CSMD3: variants seen among roughly 807,000 people sequenced by gnomAD.
CSMD3 encodes CUB and sushi domain-containing protein 3.
In CSMD3, 177 loss-of-function variants were observed where a neutral mutation model predicts 435.2. That is an observed-to-expected ratio of 0.41 (90% CI 0.36 to 0.46). The LOEUF is 0.46. Ranked by LOEUF, CSMD3 falls within the 20% of genes least tolerant of loss-of-function variation. The pLI is 0.34. For missense variants in CSMD3, 4,265 were observed against 4,504.6 expected, an observed-to-expected ratio of 0.95 and a Z score of 1.52; for synonymous variants, 1,656 against 1,520.5, an observed-to-expected ratio of 1.09 and a Z score of -2.07.
At chr8:112,527,268 G>T (rs1483987204) in intron 27 of CSMD3, among the ~76,000 whole-genome samples, 3 of 151,286 alleles carry the variant, frequency 2.0e-5, no homozygotes, top group Admixed American at 2.0e-4. Context: ...ATGCTAAAAG[G>T]CATCATATGA....
chr8:112,336,324 G>T (rs962731512), intron 44 of CSMD3, among the ~76,000 whole-genome samples: 3 of 152,032 alleles, frequency 2.0e-5, no homozygotes, highest in African/African-American at 7.2e-5. Flanking sequence ...AATTCCACTG[G>T]CTTTTGTAAG....
At chr8:112,728,832 G>T (rs182345698) in intron 13 of CSMD3, among the ~76,000 whole-genome samples, 58 of 151,912 alleles carry the variant, frequency 3.8e-4, no homozygotes, top group Non-Finnish European at 7.4e-4. Flanking sequence ...CGGCAATTAT[G>T]GACACCATAC....
At chr8:112,733,852 T>C (rs1233424463) in intron 13 of CSMD3, among the ~76,000 whole-genome samples, 2 of 152,000 alleles carry the variant, frequency 1.3e-5, no homozygotes, top group Non-Finnish European at 2.9e-5. Context: ...GTGTTGAAGT[T>C]TGCATATGTA....
intron 4 of CSMD3, among the ~76,000 whole-genome samples, chr8:113,107,150 C>G (rs945154369): frequency 6.6e-6 from 1 of 152,158 alleles, no homozygotes; most frequent in Non-Finnish European, 1.5e-5. Context: ...GGCACTACAG[C>G]AAAGAGCATC....
At chr8:112,606,523 T>C (rs1832806954) in intron 22 of CSMD3, among the ~76,000 whole-genome samples, 1 of 152,180 alleles carries the variant, frequency 6.6e-6, no homozygotes, top group South Asian at 2.1e-4. Flanking sequence ...ACACTGTACT[T>C]GAACTACCCT....
chr8:112,340,241 T>C (rs887799888), intron 42 of CSMD3, among the ~76,000 whole-genome samples: 5 of 152,232 alleles, frequency 3.3e-5, no homozygotes, highest in African/African-American at 1.2e-4. Context: ...TACCCAATTG[T>C]TTTAAAAATA....
At chr8:112,572,220 A>C (rs559674016) in intron 24 of CSMD3, among the ~76,000 whole-genome samples, 2 of 152,140 alleles carry the variant, frequency 1.3e-5, no homozygotes, top group South Asian at 4.1e-4. Flanking sequence ...CTGGACTATT[A>C]TTTTTCCTTA....
chr8:113,049,402 GA>G (rs60859878), intron 5 of CSMD3, among the ~76,000 whole-genome samples: 2,174 of 137,636 alleles, frequency 0.016, 23 homozygotes, highest in African/African-American at 0.04. Flanking sequence ...GTTCTAGTAG[GA>G]AAAAAAAAAA....
chr8:112,484,711 C>T (rs1586476946), intron 31 of CSMD3, among the ~76,000 whole-genome samples: 2 of 151,960 alleles, frequency 1.3e-5, no homozygotes, highest in Admixed American at 6.6e-5. Flanking sequence ...GGTTGAGCAT[C>T]CCTAATTCAA....
chr8:112,733,511 A>G (rs2077119695), intron 13 of CSMD3, among the ~76,000 whole-genome samples: 1 of 152,042 alleles, frequency 6.6e-6, no homozygotes, highest in Non-Finnish European at 1.5e-5. Flanking sequence ...ATAAGTATAA[A>G]GCTTAATTAT....
intron 3 of CSMD3, among the ~76,000 whole-genome samples, chr8:113,182,635 T>C (rs1355642827): frequency 2.0e-5 from 3 of 152,082 alleles, no homozygotes; most frequent in African/African-American, 4.8e-5. Context: ...ACTCTCTCAT[T>C]GCTCTAGGCT....
intron 3 of CSMD3, among the ~76,000 whole-genome samples, chr8:113,219,283 A>G (rs1410772171): frequency 6.6e-6 from 1 of 151,368 alleles, no homozygotes; most frequent in Non-Finnish European, 1.5e-5. Context: ...GAAGAGAAGT[A>G]AAACTATACC....
chr8:112,633,365 A>C (rs1421548547), intron 22 of CSMD3, among the ~76,000 whole-genome samples: 2 of 152,034 alleles, frequency 1.3e-5, no homozygotes, highest in African/African-American at 4.8e-5. Context: ...CACAGGACTT[A>C]GACTCGGAAC....
chr8:112,658,552 T>C (rs960732821), intron 17 of CSMD3, among the ~76,000 whole-genome samples: 1 of 152,216 alleles, frequency 6.6e-6, no homozygotes, highest in Non-Finnish European at 1.5e-5. Context: ...ACTTCTAATT[T>C]TGTGACCTGG....
intron 7 of CSMD3, among the ~76,000 whole-genome samples, chr8:112,969,728 T>A (rs2084572016): frequency 6.6e-6 from 1 of 152,018 alleles, no homozygotes; most frequent in Admixed American, 6.6e-5. Flanking sequence ...AATTTTGTAC[T>A]TAAAAACAGC....
intron 12 of CSMD3, among the ~76,000 whole-genome samples, chr8:112,804,082 A>G (rs534030984): frequency 1.3e-5 from 2 of 152,314 alleles, no homozygotes; most frequent in East Asian, 1.9e-4. Context: ...GAGCTGCGTG[A>G]AACTGCAATG....
chr8:113,263,728 T>C (rs993979952), intron 3 of CSMD3, among the ~76,000 whole-genome samples: 3 of 151,860 alleles, frequency 2.0e-5, no homozygotes, highest in East Asian at 1.9e-4. Context: ...ATCTGAAGAA[T>C]ATTCTAGATA....
At chr8:112,389,615 A>C (rs1830248038) in intron 36 of CSMD3, among the ~76,000 whole-genome samples, 1 of 152,194 alleles carries the variant, frequency 6.6e-6, no homozygotes, top group African/African-American at 2.4e-5. Context: ...TAAATCCATG[A>C]AGCTGATTTT....
chr8:112,498,111 A>G (rs1821557348), intron 30 of CSMD3, among the ~76,000 whole-genome samples: 1 of 152,102 alleles, frequency 6.6e-6, no homozygotes, highest in Non-Finnish European at 1.5e-5. Flanking sequence ...TTCTCAATGT[A>G]ATAATAACTT....
Sources: gnomAD v4.1 joint callset for allele counts (sites outside exome capture counted in the v4.1 genomes callset) on GRCh38, gnomAD v4.1.1 for gene constraint, MANE v1.5 for transcripts, NCBI Gene and HGNC (gene_info 2026-07-23, HGNC 2026-07-21) for gene names.